PARN: variants seen among roughly 807,000 people sequenced by gnomAD.
PARN encodes poly(A)-specific ribonuclease PARN.
A neutral mutation model predicts 102.8 loss-of-function variants in PARN; 71 were observed. The ratio of observed to expected loss-of-function variants is 0.69; its 90% CI spans 0.57 to 0.84. PARN has a LOEUF of 0.84. Ranked by LOEUF, PARN falls within the 40% of genes least tolerant of loss-of-function variation. PARN has a pLI of 0.00. For missense variants in PARN, 782 were observed against 760.9 expected (o/e 1.03, Z -0.33); for synonymous variants, 261 against 252.9 (o/e 1.03, Z -0.30).
intron 21 of PARN, among the ~76,000 whole-genome samples, chr16:14,540,951 G>GA (rs1434551466): frequency 1.3e-5 from 2 of 151,654 alleles, no homozygotes; most frequent in Non-Finnish European, 1.5e-5. Flanking sequence ...ACTCCGTCTT[G>GA]AAAAAACAAA....
intron 22 of PARN, among the ~76,000 whole-genome samples, chr16:14,447,668 A>C (rs987385362): frequency 5.3e-5 from 8 of 152,246 alleles, no homozygotes; most frequent in African/African-American, 1.9e-4. Context: ...TGACATATTG[A>C]ATTAAATCAG....
intron 23 of PARN, among the ~76,000 whole-genome samples, chr16:14,446,318 T>TA (rs1241676864): frequency 6.6e-6 from 1 of 152,210 alleles, no homozygotes; most frequent in Non-Finnish European, 1.5e-5. Flanking sequence ...AGCCCAGGCA[T>TA]CTGCTTCATC....
intron 21 of PARN, among the ~76,000 whole-genome samples, chr16:14,507,694 A>T (rs1334219634): frequency 6.6e-6 from 1 of 152,190 alleles, no homozygotes; most frequent in Non-Finnish European, 1.5e-5. Flanking sequence ...AAAGAGGCCA[A>T]GTGAAATTCT....
intron 18 of PARN, among the ~76,000 whole-genome samples, chr16:14,570,377 C>T (rs1480195182): frequency 6.7e-6 from 1 of 149,424 alleles, no homozygotes; most frequent in African/African-American, 2.5e-5. Flanking sequence ...GGGCCGGGCC[C>T]TGTGGCTCAT....
In PARN at chr16:14,435,927, C is replaced by CACACACACACACACACACACAG. The variant is rs1960667000; in HGVS notation, c.*789_*790insCTGTGTGTGTGTGTGTGTGTGT. 1 of 152,484 alleles carries CACACACACACACACACACACAG rather than the reference C, an allele frequency of 6.6e-6. No homozygotes were observed. The highest frequency in any genetic ancestry group is 1.5e-5 in the Non-Finnish European group (1 of 68,714). 9.4% of individuals were successfully genotyped at this position (152,484 alleles called of 1,614,324 possible). A position where few individuals can be genotyped will look rare whatever the true frequency, so the allele number is the denominator to read the frequency against. On this transcript the variant is annotated 3_prime_UTR_variant, in exon 24 of 24. Transcript: ENST00000437198. ...ACACACACACACACACACACACACA[C>CACACACACACACACACACACAG]ACACACACACACACACAGACACGTA...
intron 18 of PARN, among the ~76,000 whole-genome samples, chr16:14,576,804 G>T (rs1762031165): frequency 6.6e-6 from 1 of 152,154 alleles, no homozygotes; most frequent in African/African-American, 2.4e-5. Flanking sequence ...GACTATGGGA[G>T]GTGCCCAGGC....
Position 14,630,112 on chromosome 16 carries a change from C to T in PARN, c.14G>A (p.Arg5Lys). 6.4e-7 allele frequency: 1 copy of T among 1,562,328 alleles called. No individual in the cohort carries two copies. The highest frequency in any genetic ancestry group is 8.7e-7 in the Non-Finnish European group (1 of 1,152,484). Residue 5 changes from arginine (R) to lysine (K), a missense_variant, in exon 1 of 24, where the codon AGG (arginine) becomes AAG (lysine). Coordinates refer to ENST00000437198, the MANE Select transcript of PARN (RefSeq NM_002582.4). Reference sequence around the variant, plus strand: ...GGTGTACGGCGGACACGCACTGCTCCTGATTATCTCCATTCTGCAGAGTGG... The same window carrying T: ...GGTGTACGGCGGACACGCACTGCTCTTGATTATCTCCATTCTGCAGAGTGG... MEII[R>K]SNFKSNLHKV...
At chr16:14,452,178 C>T (rs1189743190) in intron 22 of PARN, among the ~76,000 whole-genome samples, 2 of 152,188 alleles carry the variant, frequency 1.3e-5, no homozygotes, top group Non-Finnish European at 2.9e-5. Flanking sequence ...TACTAGAATA[C>T]ATTGGTTGTA....
At chr16:14,438,809 G>A (rs770784269) in intron 23 of PARN, among the ~76,000 whole-genome samples, 3 of 152,190 alleles carry the variant, frequency 2.0e-5, no homozygotes, top group Admixed American at 6.5e-5. Flanking sequence ...CAGCTGCTGA[G>A]CGAGAATGAT....
chr16:14,534,239 A>G (rs918540938), intron 21 of PARN, among the ~76,000 whole-genome samples: 2 of 151,298 alleles, frequency 1.3e-5, no homozygotes, highest in Non-Finnish European at 2.9e-5. Context: ...AAAAAAAAAA[A>G]GGCAATACTT....
intron 16 of PARN, among the ~76,000 whole-genome samples, chr16:14,582,519 G>T (rs1234576987): frequency 6.6e-6 from 1 of 152,072 alleles, no homozygotes; most frequent in East Asian, 1.9e-4. Context: ...AGATTACAAA[G>T]GACTCAGCCG....
chr16:14,563,630 G>A (rs1968238918), intron 18 of PARN, among the ~76,000 whole-genome samples: 1 of 151,532 alleles, frequency 6.6e-6, no homozygotes, highest in Non-Finnish European at 1.5e-5. Flanking sequence ...CTCAAACTCA[G>A]TCTCAAGTGA....
At chr16:14,609,558 G>A (rs753504714) in intron 7 of PARN, among the ~76,000 whole-genome samples, 1 of 152,106 alleles carries the variant, frequency 6.6e-6, no homozygotes, top group African/African-American at 2.4e-5. Context: ...GCAACAGAAC[G>A]AGACCCTGTC....
chr16:14,564,050 C>A (rs1279118215), intron 18 of PARN, among the ~76,000 whole-genome samples: 1 of 151,940 alleles, frequency 6.6e-6, no homozygotes, highest in African/African-American at 2.4e-5. Flanking sequence ...CCATGGAGGC[C>A]GACCCTAAGC....
intron 21 of PARN, among the ~76,000 whole-genome samples, chr16:14,485,682 A>G (rs1963636373): frequency 6.8e-6 from 1 of 146,538 alleles, no homozygotes; most frequent in African/African-American, 2.5e-5. Context: ...AAAGTTCTTT[A>G]TTTTTATTAA....
intron 5 of PARN, among the ~76,000 whole-genome samples, chr16:14,624,788 A>C (rs1972539217): frequency 6.6e-6 from 1 of 152,172 alleles, no homozygotes; most frequent in African/African-American, 2.4e-5. Flanking sequence ...GTGGTGGTGC[A>C]TGCCTGTAAT....
At chr16:14,597,068 T>G (rs1016675488) in intron 12 of PARN, among the ~76,000 whole-genome samples, 1 of 152,158 alleles carries the variant, frequency 6.6e-6, no homozygotes, top group African/African-American at 2.4e-5. Flanking sequence ...ATTACAGGTG[T>G]GAGCCACCAT....
chr16:14,585,153 G>A (rs1401441682), intron 14 of PARN, among the ~76,000 whole-genome samples: 2 of 152,124 alleles, frequency 1.3e-5, no homozygotes, highest in Admixed American at 6.5e-5. Flanking sequence ...GGTTTTACGT[G>A]GTTCAAATAC....
At chr16:14,560,536 A>C (rs1043546373) in intron 18 of PARN, among the ~76,000 whole-genome samples, 1 of 152,244 alleles carries the variant, frequency 6.6e-6, no homozygotes, top group Non-Finnish European at 1.5e-5. Flanking sequence ...ATCCTAAGAA[A>C]CAGTGTAACT....
Sources: gnomAD v4.1 joint callset for allele counts (sites outside exome capture counted in the v4.1 genomes callset) on GRCh38, gnomAD v4.1.1 for gene constraint, MANE v1.5 for transcripts, NCBI Gene and HGNC (gene_info 2026-07-23, HGNC 2026-07-21) for gene names.